SYNJ2: variants seen among roughly 807,000 people sequenced by gnomAD.
The protein encoded by SYNJ2 is synaptojanin 2, also known as polyphosphatidylinositol phosphatase SYNJ2.
SYNJ2 carries 116 observed loss-of-function variants against 141.3 expected under a neutral mutation model. The observed-to-expected ratio is 0.82, with a 90% confidence interval of 0.71 to 0.96. The LOEUF is 0.96. Ranked by LOEUF, SYNJ2 falls within the 40% of genes least tolerant of loss-of-function variation. The pLI is 0.00. For synonymous variants in SYNJ2, 745 were observed against 777.7 expected, an observed-to-expected ratio of 0.96 and a Z score of 0.70; for missense variants, 1,873 against 1,934.8, an observed-to-expected ratio of 0.97 and a Z score of 0.60.
intron 1 of SYNJ2, chr6:158,001,391 C>CT (rs1008483496): frequency 0.03 from 3,271 of 110,046 alleles, 91 homozygotes; most frequent in Non-Finnish European, 0.037. Context: ...TGAGAACTTT[C>CT]TTTTTTTTTT....
intron 16 of SYNJ2, among the ~76,000 whole-genome samples, chr6:158,075,741 C>T (rs1782242848): frequency 6.6e-6 from 1 of 152,154 alleles, no homozygotes; most frequent in Non-Finnish European, 1.5e-5. Flanking sequence ...GAGCCCCTTC[C>T]AGTGTGTGGA....
chr6:158,032,340 G>A (rs1779412769), intron 3 of SYNJ2, among the ~76,000 whole-genome samples: 1 of 152,232 alleles, frequency 6.6e-6, no homozygotes, highest in Non-Finnish European at 1.5e-5. Flanking sequence ...GAAGGCTCAA[G>A]GGCAGGAATT....
chr6:158,086,721 C>T, intron 22 of SYNJ2, 134 bp from the exon 23 acceptor site: 1 of 807,692 alleles, frequency 1.2e-6, no homozygotes, highest in South Asian at 4.9e-5. Context: ...CAGAGGTGCC[C>T]GTTTCTGGAC....
intron 7 of SYNJ2, among the ~76,000 whole-genome samples, chr6:158,061,039 C>T (rs1781189573): frequency 6.6e-6 from 1 of 152,264 alleles, no homozygotes; most frequent in Non-Finnish European, 1.5e-5. Flanking sequence ...CACTGAGCCA[C>T]CAGGCACTGT....
chr6:158,047,582 G>A (rs990693816), intron 5 of SYNJ2, among the ~76,000 whole-genome samples: 6 of 151,794 alleles, frequency 4.0e-5, no homozygotes, highest in African/African-American at 1.5e-4. Flanking sequence ...TTTAAGACAA[G>A]CCTGGCCAAC....
intron 3 of SYNJ2, chr6:158,030,618 A>G (rs1375720841): frequency 6.6e-6 from 1 of 152,380 alleles, no homozygotes; most frequent in African/African-American, 2.4e-5. Context: ...AAGGCTGGGC[A>G]TGGTAGCTCA....
intron 16 of SYNJ2, among the ~76,000 whole-genome samples, chr6:158,075,563 C>T (rs1268739303): frequency 1.3e-5 from 2 of 151,768 alleles, no homozygotes; most frequent in African/African-American, 2.4e-5. Context: ...ATCGCTTGAA[C>T]CTGGGAGGCG....
chr6:157,998,657 A>G (rs187527479), intron 1 of SYNJ2, among the ~76,000 whole-genome samples: 1 of 152,380 alleles, frequency 6.6e-6, no homozygotes, highest in East Asian at 1.9e-4. Context: ...TCAAAGTATT[A>G]GAAAATATAG....
At chr6:158,092,836 T>G (rs1783551315) in intron 25 of SYNJ2, 90 bp from the exon 26 acceptor site, 2 of 1,216,880 alleles carry the variant, frequency 1.6e-6, no homozygotes, top group Non-Finnish European at 1.1e-6. Context: ...AATTAGTAAA[T>G]GACACTTAGG....
At chr6:158,022,120 G>A (rs12206632) in intron 2 of SYNJ2, among the ~76,000 whole-genome samples, 10 of 152,256 alleles carry the variant, frequency 6.6e-5, no homozygotes, top group Middle Eastern at 6.8e-3. Context: ...TGCGGGTGGC[G>A]GGGGAGGCTC....
rs1368226206 is a variant in SYNJ2, at chr6:158,044,791, C to T, written c.795+1392C>T. 2.0e-5 allele frequency among the ~76,000 whole-genome samples: 3 copies of T among 152,286 alleles called. No individual in the cohort carries two copies. The South Asian group carries it at 6.2e-4, about 32-fold the overall frequency. The stretch of plus-strand genomic sequence containing the variant: ...CCAAGTCTCCCTCATGCCAACTCGA[C>T]TGTTCATCTACTGTCTTTATCTATA... On this transcript the variant is annotated intron_variant, in intron 5 of 26. Coordinates refer to ENST00000355585, the MANE Select transcript of SYNJ2 (RefSeq NM_003898.4).
intron 13 of SYNJ2, among the ~76,000 whole-genome samples, chr6:158,069,280 C>T (rs1451654176): frequency 6.6e-6 from 1 of 152,126 alleles, no homozygotes; most frequent in Non-Finnish European, 1.5e-5. Flanking sequence ...AAGACTGACT[C>T]TGTGGGGCTG....
chr6:158,081,056 G>C, intron 18 of SYNJ2, 53 bp from the exon 19 acceptor site: 9 of 1,547,954 alleles, frequency 5.8e-6, no homozygotes, highest in South Asian at 3.4e-5. Flanking sequence ...GAGGCCGGGG[G>C]TGTGGACATC....
At chr6:158,003,485 A>G (rs1372808340) in intron 1 of SYNJ2, among the ~76,000 whole-genome samples, 1 of 152,152 alleles carries the variant, frequency 6.6e-6, no homozygotes, top group Non-Finnish European at 1.5e-5. Flanking sequence ...TTAACACATG[A>G]AGGAGACTTT....
At chr6:158,090,379 C>A (rs1783355307) in intron 25 of SYNJ2, among the ~76,000 whole-genome samples, 1 of 152,188 alleles carries the variant, frequency 6.6e-6, no homozygotes. Context: ...CTCTTTCCCA[C>A]CACATTATTT....
chr6:158,028,464 A>C, intron 2 of SYNJ2: 1 of 460,350 alleles, frequency 2.2e-6, no homozygotes, highest in South Asian at 2.5e-5. Flanking sequence ...TGTTAAAGCA[A>C]AGCTTGCCCC....
At chr6:158,026,753 G>GCAGCC (rs1475407539) in intron 2 of SYNJ2, 1 of 885,752 alleles carries the variant, frequency 1.1e-6, no homozygotes, top group Non-Finnish European at 1.4e-6. Context: ...CATAGCTCTG[G>GCAGCC]CAGCCACAGG....
intron 22 of SYNJ2, among the ~76,000 whole-genome samples, chr6:158,085,387 A>G (rs1366122823): frequency 6.6e-6 from 1 of 152,034 alleles, no homozygotes; most frequent in Admixed American, 6.6e-5. Context: ...GGTAGTTCAT[A>G]TTTCAGTGTC....
intron 4 of SYNJ2, among the ~76,000 whole-genome samples, chr6:158,036,035 A>G (rs1779619419): frequency 6.6e-6 from 1 of 152,216 alleles, no homozygotes; most frequent in South Asian, 2.1e-4. Context: ...GAAGGCATAC[A>G]TGCGGCCAGC....
Sources: allele counts gnomAD v4.1 joint callset (sites outside exome capture counted in the v4.1 genomes callset), GRCh38; gene constraint gnomAD v4.1.1; transcripts MANE v1.5; gene names NCBI Gene and HGNC (gene_info 2026-07-23, HGNC 2026-07-21).